Variants in SHISA9 observed in about 807,000 individuals in gnomAD.
The protein encoded by SHISA9 is shisa family member 9.
Under a neutral mutation model 38.0 loss-of-function variants are expected in SHISA9, and 13 were observed. The observed-to-expected ratio is 0.34, with a 90% confidence interval of 0.22 to 0.54. The LOEUF (loss-of-function observed/expected upper bound fraction) is 0.54, where lower values mean the gene tolerates loss of function less well. SHISA9 is among the 20% of genes least tolerant of loss of function. The pLI is 0.91. For synonymous variants in SHISA9, 275 were observed against 242.0 expected (o/e 1.14, Z -1.27); for missense variants, 538 against 575.8 (o/e 0.93, Z 0.67).
At chr16:13,074,673 T>A (rs945141094) in intron 2 of SHISA9, among the ~76,000 whole-genome samples, 1 of 151,616 alleles carries the variant, frequency 6.6e-6, no homozygotes, top group Admixed American at 6.6e-5. Flanking sequence ...TTTTTCTTTT[T>A]TTTTTTTTGA....
chr16:12,909,740 T>A (rs2141712288), intron 1 of SHISA9: 1 of 265,156 alleles, frequency 3.8e-6, no homozygotes, highest in African/African-American at 2.3e-5. Flanking sequence ...CAGTGTTATT[T>A]GCTTCATTTT....
At chr16:13,343,650 C>T in the SHISA9 span, among the ~76,000 whole-genome samples, 1 of 152,178 alleles carries the variant, frequency 6.6e-6, no homozygotes, top group East Asian at 1.9e-4. Flanking sequence ...AGTTGATTCA[C>T]ATATTTGTAT....
the SHISA9 span, among the ~76,000 whole-genome samples, chr16:13,297,838 C>A: frequency 3.9e-5 from 6 of 152,278 alleles, no homozygotes; most frequent in South Asian, 1.0e-3. Context: ...CTCACTGCAA[C>A]CTCTACCTCC....
At chr16:12,971,356 G>A (rs539198755) in intron 2 of SHISA9, among the ~76,000 whole-genome samples, 1 of 152,310 alleles carries the variant, frequency 6.6e-6, no homozygotes, top group South Asian at 2.1e-4. Context: ...AGATGGGGAA[G>A]GAGGTTATGG....
chr16:13,126,660 T>G (rs2141982933), intron 2 of SHISA9, among the ~76,000 whole-genome samples: 1 of 105,594 alleles, frequency 9.5e-6, no homozygotes. Flanking sequence ...AGAGAGAGAC[T>G]GAGGAAGGGA....
the SHISA9 span, among the ~76,000 whole-genome samples, chr16:13,500,024 A>G: frequency 6.6e-6 from 1 of 152,162 alleles, no homozygotes; most frequent in African/African-American, 2.4e-5. Flanking sequence ...GGTGTGATAG[A>G]TGCTTGATGT....
the SHISA9 span, among the ~76,000 whole-genome samples, chr16:13,359,096 G>GTACAGTTTTAGATTC: frequency 6.6e-6 from 1 of 151,756 alleles, no homozygotes; most frequent in Non-Finnish European, 1.5e-5. Flanking sequence ...GAAGAAGAAT[G>GTACAGTTTTAGATTC]TCCAGTTTTA....
the SHISA9 span, among the ~76,000 whole-genome samples, chr16:13,514,789 C>T: frequency 6.6e-6 from 1 of 152,022 alleles, no homozygotes; most frequent in African/African-American, 2.4e-5. Flanking sequence ...AACTATAAAC[C>T]CATTGATCCA....
chr16:13,017,554 C>T (rs552247683), intron 2 of SHISA9, among the ~76,000 whole-genome samples: 49 of 121,308 alleles, frequency 4.0e-4, no homozygotes, highest in African/African-American at 1.5e-3. Flanking sequence ...ATGATGATAT[C>T]ATCATTATCA....
the SHISA9 span, among the ~76,000 whole-genome samples, chr16:13,407,229 C>T: frequency 6.6e-6 from 1 of 152,118 alleles, no homozygotes; most frequent in Non-Finnish European, 1.5e-5. Flanking sequence ...AAGGTGCAGG[C>T]AGGTTCAAGG....
At chr16:12,913,131 G>A (rs533374342) in intron 1 of SHISA9, among the ~76,000 whole-genome samples, 20 of 152,248 alleles carry the variant, frequency 1.3e-4, no homozygotes, top group East Asian at 9.7e-4. Context: ...TATAGTGTGC[G>A]ATTCAATGGT....
chr16:13,230,097 G>GTTGGTGGAAGAAGGAAA (rs2051317262), intron 4 of SHISA9, among the ~76,000 whole-genome samples: 1 of 152,204 alleles, frequency 6.6e-6, no homozygotes, highest in Admixed American at 6.5e-5. Flanking sequence ...AACAAACACG[G>GTTGGTGGAAGAAGGAAA]TTGGTGGAAG....
At chr16:13,320,377 G>T in the SHISA9 span, among the ~76,000 whole-genome samples, 153 of 150,162 alleles carry the variant, frequency 1.0e-3, no homozygotes, top group African/African-American at 3.5e-3. Context: ...TCCAATTCAG[G>T]TTTCTCTCTT....
At chr16:13,446,181 G>A in the SHISA9 span, among the ~76,000 whole-genome samples, 6 of 151,986 alleles carry the variant, frequency 3.9e-5, no homozygotes, top group South Asian at 6.2e-4. Flanking sequence ...TCCTGACCTC[G>A]TGATCTGCCA....
chr16:12,977,648 T>G (rs1296498191), intron 2 of SHISA9, among the ~76,000 whole-genome samples: 1 of 152,118 alleles, frequency 6.6e-6, no homozygotes, highest in Non-Finnish European at 1.5e-5. Context: ...TAAAAAGGAA[T>G]GAGATCATGT....
chr16:13,445,316 C>G, the SHISA9 span, among the ~76,000 whole-genome samples: 1 of 152,032 alleles, frequency 6.6e-6, no homozygotes, highest in African/African-American at 2.4e-5. Flanking sequence ...AGGAGGTTCT[C>G]AAGAGATGTT....
intron 2 of SHISA9, among the ~76,000 whole-genome samples, chr16:13,067,282 C>G (rs2073446524): frequency 6.6e-6 from 1 of 152,192 alleles, no homozygotes; most frequent in Non-Finnish European, 1.5e-5. Flanking sequence ...ATTGATGAAC[C>G]TAGAAGGAAC....
At chr16:12,911,590 C>T (rs2071184973) in intron 1 of SHISA9, 1 of 160,144 alleles carries the variant, frequency 6.2e-6, no homozygotes, top group East Asian at 1.9e-4. Flanking sequence ...TATCTCAATG[C>T]ATAATGTACA....
At chr16:13,243,715 G>A (rs972502214), downstream of SHISA9, among the ~76,000 whole-genome samples, 10 of 151,214 alleles carry the variant, frequency 6.6e-5, no homozygotes, top group Admixed American at 6.6e-4. Context: ...CTCCCTTCAT[G>A]GCCTGAACCA....
Sources: gnomAD v4.1 joint callset for allele counts (sites outside exome capture counted in the v4.1 genomes callset) on GRCh38, gnomAD v4.1.1 for gene constraint, MANE v1.5 for transcripts, NCBI Gene and HGNC (gene_info 2026-07-23, HGNC 2026-07-21) for gene names.